Variants in NR1I2 observed in about 807,000 individuals in gnomAD.
The protein encoded by NR1I2 is nuclear receptor subfamily 1 group I member 2, also known as orphan nuclear receptor PAR1.
In NR1I2, 42 loss-of-function variants were observed where a neutral mutation model predicts 43.3. That is an observed-to-expected ratio of 0.97 (90% CI 0.76 to 1.26). The LOEUF (loss-of-function observed/expected upper bound fraction) is 1.26. NR1I2 is among the 50% of genes most tolerant of loss of function. NR1I2 has a pLI of 0.00. For synonymous variants in NR1I2, 229 were observed against 215.0 expected (o/e 1.06, Z -0.57); for missense variants, 559 against 566.7 (o/e 0.99, Z 0.14).
chr3:119,782,810 C>T (rs1490043858), intron 1 of NR1I2: 3 of 1,614,190 alleles, frequency 1.9e-6, no homozygotes, highest in East Asian at 4.5e-5. Flanking sequence ...AGAGCACCTG[C>T]CATACCCCTG....
chr3:119,801,080 C>T (rs2055073013), intron 1 of NR1I2, among the ~76,000 whole-genome samples: 1 of 152,192 alleles, frequency 6.6e-6, no homozygotes, highest in African/African-American at 2.4e-5. Flanking sequence ...TGTGTGTGCT[C>T]AGTGCAGCCT....
intron 1 of NR1I2, among the ~76,000 whole-genome samples, chr3:119,793,976 C>T (rs1343738667): frequency 1.3e-5 from 2 of 152,118 alleles, no homozygotes; most frequent in Non-Finnish European, 2.9e-5. Flanking sequence ...CAAATATTCT[C>T]TTCGGTACAT....
At position 119,812,838 on chromosome 3, in the gene NR1I2, C is replaced by G; in HGVS notation, c.672C>G (p.Asn224Lys). 6.2e-7 allele frequency: 1 copy of G among 1,614,256 alleles called. No individual in the cohort carries two copies. The highest frequency in any genetic ancestry group is 8.5e-7 in the Non-Finnish European group (1 of 1,180,046). Residue 224 changes from asparagine (N) to lysine (K), a missense_variant, in exon 5 of 9, where the codon AAC becomes AAG. By Grantham distance (94) the Asn-to-Lys change is moderately conservative (BLOSUM62 0). Transcript: ENST00000393716. The stretch of plus-strand genomic sequence containing the variant: ...GGGGGGAGGATGGCAGTGTCTGGAA[C>G]TACAAACCCCCAGCCGACAGTGGCG...
chr3:119,800,252 C>T (rs1479425445), intron 1 of NR1I2, among the ~76,000 whole-genome samples: 4 of 152,116 alleles, frequency 2.6e-5, no homozygotes, highest in Admixed American at 2.6e-4. Flanking sequence ...CAAAGCTGGC[C>T]TTTCCTCCAT....
intron 1 of NR1I2, among the ~76,000 whole-genome samples, chr3:119,794,395 T>C (rs2054965804): frequency 6.6e-6 from 1 of 151,868 alleles, no homozygotes; most frequent in Admixed American, 6.6e-5. Flanking sequence ...GATCTCACCA[T>C]GTCACCCAGG....
chr3:119,816,039 T>C (rs2055324225), intron 8 of NR1I2, among the ~76,000 whole-genome samples: 1 of 152,234 alleles, frequency 6.6e-6, no homozygotes, highest in East Asian at 1.9e-4. Flanking sequence ...AAGGGGCTTC[T>C]ATACCTTCAC....
intron 1 of NR1I2, among the ~76,000 whole-genome samples, chr3:119,785,261 A>G (rs968882658): frequency 1.3e-5 from 2 of 152,158 alleles, no homozygotes; most frequent in African/African-American, 4.8e-5. Context: ...ATTTTGTACT[A>G]TGAACTCATT....
intron 1 of NR1I2, among the ~76,000 whole-genome samples, chr3:119,803,444 A>T (rs1200397784): frequency 1.3e-5 from 2 of 152,084 alleles, no homozygotes; most frequent in African/African-American, 4.8e-5. Context: ...AGAGGGAGAA[A>T]GTGCCATAGA....
intron 1 of NR1I2, among the ~76,000 whole-genome samples, chr3:119,806,524 G>T (rs1355081336): frequency 6.6e-6 from 1 of 151,988 alleles, no homozygotes; most frequent in African/African-American, 2.4e-5. Flanking sequence ...GGGCTCAAGC[G>T]ATCCTCTTGC....
rs1429187403 is a variant in NR1I2, at chr3:119,806,736, T to C, written c.-22-493T>C. Among the ~76,000 whole-genome samples the C allele has an allele frequency of 7.9e-5, 12 of 152,322 alleles. No individual in the cohort carries two copies. In the East Asian group the frequency reaches 9.7e-4, roughly 12 times the overall value. ...CCTGGCTACTTAGTTGAAAACTCTT[T>C]CTGCTCAGCCTTTCTAGCTCCCTGT... On this transcript the variant is annotated intron_variant, in intron 1 of 8. Transcript: ENST00000393716.
At chr3:119,813,915 G>A (rs144198149) in intron 5 of NR1I2, among the ~76,000 whole-genome samples, 2 of 152,142 alleles carry the variant, frequency 1.3e-5, no homozygotes, top group Non-Finnish European at 2.9e-5. Flanking sequence ...GTGACCTGAG[G>A]TGTCACTGCC....
intron 3 of NR1I2, 117 bp downstream of exon 3, chr3:119,810,311 C>T (rs940200447): frequency 2.8e-6 from 4 of 1,432,728 alleles, no homozygotes; most frequent in East Asian, 5.0e-5. Flanking sequence ...CGTGAACACA[C>T]GTGCACATGT....
chr3:119,807,746 A>T (rs2055181661), intron 2 of NR1I2, among the ~76,000 whole-genome samples: 1 of 152,242 alleles, frequency 6.6e-6, no homozygotes, highest in Non-Finnish European at 1.5e-5. Context: ...TCCCAAATCC[A>T]AGTGTTCACA....
At chr3:119,814,916 C>G in intron 5 of NR1I2, 63 bp from the exon 6 acceptor site, 1 of 1,606,310 alleles carries the variant, frequency 6.2e-7, no homozygotes, top group South Asian at 1.1e-5. Flanking sequence ...GGGATGGCTG[C>G]TGGTGCCGGT....
At chr3:119,805,111 C>T (rs927143483) in intron 1 of NR1I2, among the ~76,000 whole-genome samples, 4 of 152,092 alleles carry the variant, frequency 2.6e-5, no homozygotes, top group Non-Finnish European at 5.9e-5. Flanking sequence ...TATTCATTTT[C>T]AAATCTGCTT....
intron 5 of NR1I2, 135 bp from the exon 6 acceptor site, chr3:119,814,844 C>T: frequency 1.8e-6 from 2 of 1,095,288 alleles, no homozygotes; most frequent in Non-Finnish European, 2.7e-6. Flanking sequence ...ACAGCAGCCA[C>T]AGTCATCCTC....
chr3:119,789,819 TTTCAATTTAAA>T (rs1199970283), intron 1 of NR1I2, among the ~76,000 whole-genome samples: 1 of 152,188 alleles, frequency 6.6e-6, no homozygotes, highest in African/African-American at 2.4e-5. Context: ...TTGGCTTCCT[TTTCAATTTAAA>T]TTCAATTTAA....
intron 1 of NR1I2, among the ~76,000 whole-genome samples, chr3:119,805,238 TTTTTGGTTTG>T (rs1051146035): frequency 6.6e-6 from 1 of 152,132 alleles, no homozygotes; most frequent in Non-Finnish European, 1.5e-5. Flanking sequence ...TCTAGAAGTT[TTTTTGGTTTG>T]TTTTGTTTTG....
At chr3:119,792,355 T>C in intron 1 of NR1I2, 1 of 1,410,844 alleles carries the variant, frequency 7.1e-7, no homozygotes, top group Non-Finnish European at 1.0e-6. Flanking sequence ...AGGAAGGAGT[T>C]CACAGAAGCA....
Sources: gnomAD v4.1 joint callset for allele counts (sites outside exome capture counted in the v4.1 genomes callset) on GRCh38, gnomAD v4.1.1 for gene constraint, MANE v1.5 for transcripts, NCBI Gene and HGNC (gene_info 2026-07-23, HGNC 2026-07-21) for gene names.